The following KNDC1 variants were observed in gnomAD, a reference collection of about 807,000 sequenced individuals.
KNDC1 encodes kinase non-catalytic C-lobe domain containing 1, also known as kinase non-catalytic C-lobe domain-containing protein 1.
KNDC1 carries 106 observed loss-of-function variants against 172.8 expected under a neutral mutation model. That is an observed-to-expected ratio of 0.61 (90% CI 0.52 to 0.72). The LOEUF (loss-of-function observed/expected upper bound fraction) is 0.72, where lower values mean the gene tolerates loss of function less well. Among genes scored for constraint, KNDC1 ranks in the 30% least tolerant of loss-of-function variants. KNDC1 has a pLI of 0.00. For missense variants in KNDC1, 2,325 were observed against 2,394.5 expected, an observed-to-expected ratio of 0.97 and a Z score of 0.61; for synonymous variants, 1,083 against 1,062.2, an observed-to-expected ratio of 1.02 and a Z score of -0.38.
intron 5 of KNDC1, among the ~76,000 whole-genome samples, chr10:133,184,224 C>CT (rs1853817581): frequency 1.7e-5 from 1 of 60,542 alleles, no homozygotes; most frequent in South Asian, 1.3e-3. Context: ...CACACCCATG[C>CT]ACACACACCC....
intron 3 of KNDC1, among the ~76,000 whole-genome samples, chr10:133,173,492 T>G (rs1204146847): frequency 3.0e-4 from 2 of 6,606 alleles, no homozygotes; most frequent in African/African-American, 6.5e-4. Context: ...TTCCTTCTAA[T>G]TTTTTTTTTT....
At chr10:133,168,950 GA>G (rs1433473942) in intron 3 of KNDC1, among the ~76,000 whole-genome samples, 1 of 152,264 alleles carries the variant, frequency 6.6e-6, no homozygotes, top group African/African-American at 2.4e-5. Context: ...GCCGGCTGGA[GA>G]GGGGCGGAAT....
rs150097283 is a variant in KNDC1, at chr10:133,184,657, G to A, written c.625+668G>A. Among the ~76,000 whole-genome samples, 984 of 152,214 alleles carry A rather than the reference G, an allele frequency of 6.5e-3. 12 individuals are homozygous for A. Among genetic ancestry groups the A allele is most frequent in the Non-Finnish European group, 8.2e-3 (558 of 68,026 alleles). ...ACGTGGTCAGACACGCAAACATGCTGGTCCTATGCACACACCCATTTCCAC... is the reference window on the plus strand; with the variant it reads ...ACGTGGTCAGACACGCAAACATGCTAGTCCTATGCACACACCCATTTCCAC... On this transcript the variant is annotated intron_variant, in intron 5 of 29. Coordinates refer to ENST00000304613, the MANE Select transcript of KNDC1 (RefSeq NM_152643.8).
At position 133,199,445 on chromosome 10, in the gene KNDC1, T is replaced by G; in HGVS notation, c.2759-13T>G. The G allele has an allele frequency of 6.2e-7, 1 of 1,612,774 alleles. No individual in the cohort carries two copies. Among genetic ancestry groups the G allele is most frequent in the Middle Eastern group, 1.7e-4 (1 of 6,054 alleles). ...CCACCATCTCACTTGTCTCCATCGT[T>G]TTGCAAAACCAGGGGAGTACATCTT... On this transcript the variant is annotated splice_polypyrimidine_tract_variant and intron_variant, in intron 14 of 29. Transcript: ENST00000304613.
chr10:133,184,445 G>A (rs568089490), intron 5 of KNDC1, among the ~76,000 whole-genome samples: 184 of 151,972 alleles, frequency 1.2e-3, no homozygotes, highest in Non-Finnish European at 2.2e-3. Context: ...ACAAACTCAC[G>A]TATTCACACA....
At chr10:133,180,826 G>T (rs1343700566) in intron 3 of KNDC1, among the ~76,000 whole-genome samples, 1 of 152,258 alleles carries the variant, frequency 6.6e-6, no homozygotes, top group East Asian at 1.9e-4. Flanking sequence ...AATTAAAACT[G>T]CGAGTAGATA....
At chr10:133,198,522 G>T in intron 13 of KNDC1, 23 bp downstream of exon 13, 3 of 1,588,146 alleles carry the variant, frequency 1.9e-6, no homozygotes, top group Non-Finnish European at 2.6e-6. Context: ...CCCACACCCC[G>T]GAGCTGCTGG....
At chr10:133,166,203 C>T (rs916500982) in intron 1 of KNDC1, among the ~76,000 whole-genome samples, 2 of 152,142 alleles carry the variant, frequency 1.3e-5, no homozygotes, top group African/African-American at 4.8e-5. Flanking sequence ...CCGCCCTGTG[C>T]ACTGGGGGAG....
intron 17 of KNDC1, chr10:133,202,284 G>C (rs1854397459): frequency 3.9e-6 from 2 of 515,110 alleles, no homozygotes; most frequent in Non-Finnish European, 7.5e-6. Context: ...TGCAGTGAAA[G>C]AAAACACCAA....
rs997369735 is a variant in KNDC1, at chr10:133,210,559, C to T, written c.3795-52C>T. ...ACCCCACCACCGAACACTAGCCGAGCCCTGGGGTGCGGCCACCCCACCACC... is the reference window on the plus strand; with the variant it reads ...ACCCCACCACCGAACACTAGCCGAGTCCTGGGGTGCGGCCACCCCACCACC... On this transcript the variant is annotated intron_variant, in intron 20 of 29. Coordinates refer to ENST00000304613, the MANE Select transcript of KNDC1 (RefSeq NM_152643.8). 5.5e-6 allele frequency: 6 copies of T among 1,086,612 alleles called. No homozygotes were observed. The African/African-American group carries it at 7.7e-5, about 14-fold the overall frequency. 67.3% of individuals were successfully genotyped at this position (1,086,612 alleles called of 1,614,324 possible).
chr10:133,221,470 G>A (rs1845586631), intron 29 of KNDC1, among the ~76,000 whole-genome samples: 1 of 152,114 alleles, frequency 6.6e-6, no homozygotes. Context: ...GGTGCCCACA[G>A]CCCCAAGCTC....
rs1427097082 is a variant in KNDC1 at position 133,209,492 on chromosome 10, C to T, written c.3795-1119C>T. ...CTTGTGTGCGCGTGTGTGGTGTGCG[C>T]GTCTGGTTGTGGAGTTCTGTGTGGC... On this transcript the variant is annotated intron_variant, in intron 20 of 29. Coordinates refer to ENST00000304613, the MANE Select transcript of KNDC1 (RefSeq NM_152643.8). This position sits in a 1 kb window ranked among gnomAD's most constrained non-coding sequence, Gnocchi z 4.9. Among the ~76,000 whole-genome samples, 3 of 149,776 alleles carry T rather than the reference C, an allele frequency of 2.0e-5. No homozygotes were observed. Among genetic ancestry groups the T allele is most frequent in the Non-Finnish European group, 3.0e-5 (2 of 67,436 alleles).
intron 3 of KNDC1, among the ~76,000 whole-genome samples, chr10:133,175,109 T>A (rs1853491611): frequency 8.6e-6 from 1 of 115,676 alleles, no homozygotes. Flanking sequence ...ATGGTGGATA[T>A]GTGGATGGAT....
intron 3 of KNDC1, among the ~76,000 whole-genome samples, chr10:133,180,952 G>A (rs1299482985): frequency 2.6e-5 from 4 of 152,248 alleles, no homozygotes; most frequent in East Asian, 3.8e-4. Flanking sequence ...TGAGTAAACC[G>A]GACGGTCATT....
chr10:133,216,188 C>T lies in KNDC1; in HGVS notation c.4677+2066C>T, dbSNP rs946657190. Among the ~76,000 whole-genome samples the T allele has an allele frequency of 1.6e-4, 24 of 152,164 alleles. 1 individual carries two copies. The highest frequency in any genetic ancestry group is 1.4e-3 in the Admixed American group (22 of 15,270). The stretch of plus-strand genomic sequence containing the variant: ...AAAAATGCTCGGGGGTCAGTGGCTC[C>T]GTTCTGACGATGCCTGGAGTGAGGC... On this transcript the variant is annotated intron_variant, in intron 26 of 29. Coordinates refer to ENST00000304613, the MANE Select transcript of KNDC1 (RefSeq NM_152643.8).
chr10:133,222,800 A>G (rs75441565), intron 29 of KNDC1, among the ~76,000 whole-genome samples: 2 of 2,926 alleles, frequency 6.8e-4, no homozygotes, highest in Admixed American at 6.8e-3. Context: ...TGCTCTTCCC[A>G]GTGTGTGTGT....
At chr10:133,181,104 G>A (rs530463892) in intron 3 of KNDC1, among the ~76,000 whole-genome samples, 25 of 151,742 alleles carry the variant, frequency 1.6e-4, no homozygotes, top group African/African-American at 5.3e-4. Flanking sequence ...CGTCACACGC[G>A]GCACCCACAG....
In KNDC1 at chr10:133,200,454, C is replaced by T. The variant is rs762723858; in HGVS notation, c.2983C>T (p.Arg995Cys). 2.3e-5 allele frequency: 36 copies of T among 1,578,250 alleles called. 1 individual carries two copies. Among genetic ancestry groups the T allele is most frequent in the East Asian group, 7.2e-5 (3 of 41,734 alleles). The change falls in exon 16 of 30, where the codon CGC (arginine) becomes TGC (cysteine). Residue 995 changes from arginine to cysteine, a missense_variant. Coordinates refer to ENST00000304613, the MANE Select transcript of KNDC1 (RefSeq NM_152643.8). ...GTCCAGCAAGAGGCCGTCGCTGCAC[C>T]GCCTGGGTAAGTGCTGGGCGGGCCC... is the stretch of plus-strand genomic sequence containing the variant. ...SPSSKRPSLHRLGKEKPAMAR... is the reference protein window; with the variant it reads ...SPSSKRPSLHCLGKEKPAMAR...
intron 21 of KNDC1, 129 bp downstream of exon 21, chr10:133,210,853 G>A (rs1845349712): frequency 1.1e-5 from 9 of 794,206 alleles, no homozygotes; most frequent in Non-Finnish European, 2.0e-5. Context: ...AGGGGCCAGG[G>A]AAGCCTGGCT....
Sources: allele counts gnomAD v4.1 joint callset (sites outside exome capture counted in the v4.1 genomes callset), GRCh38; gene constraint gnomAD v4.1.1; non-coding constraint Gnocchi (gnomAD v3.1); transcripts MANE v1.5; gene names NCBI Gene and HGNC (gene_info 2026-07-23, HGNC 2026-07-21).